The following KLC3 variants were observed in gnomAD, a reference collection of about 807,000 sequenced individuals.
The protein encoded by KLC3 is kinesin light chain 3, also known as kinesin light chain 2.
A neutral mutation model predicts 62.9 loss-of-function variants in KLC3; 72 were observed. That is an observed-to-expected ratio of 1.15 (90% CI 0.95 to 1.39). KLC3 has a LOEUF of 1.39. KLC3 is among the 40% of genes most tolerant of loss of function. The pLI is 0.00. For synonymous variants in KLC3, 377 were observed against 300.5 expected, an observed-to-expected ratio of 1.25 and a Z score of -2.63; for missense variants, 848 against 691.6, an observed-to-expected ratio of 1.23 and a Z score of -2.54.
chr19:45,351,437 C>T lies in KLC3; in HGVS notation c.*80C>T. 5 of 1,587,172 alleles carry T rather than the reference C, an allele frequency of 3.2e-6. No homozygotes were observed. Among genetic ancestry groups the T allele is most frequent in the Non-Finnish European group, 3.4e-6 (4 of 1,169,906 alleles). ...GCTGGTGGGGTGAGAGGGGGTCTAT[C>T]ATCTCCTGGCCCCCCCTTGCCTCTG... On this transcript the variant is annotated 3_prime_UTR_variant, in exon 13 of 13. Transcript: ENST00000391946.
chr19:45,348,792 C>T, intron 6 of KLC3, 28 bp from the exon 7 acceptor site: 1 of 1,562,372 alleles, frequency 6.4e-7, no homozygotes, highest in Middle Eastern at 1.7e-4. Flanking sequence ...CTGCCCATCC[C>T]TGACCTGTGC....
intron 8 of KLC3, 52 bp downstream of exon 8, chr19:45,349,654 GGAGGCACCCATTGGTTGGATACA>G: frequency 7.2e-7 from 1 of 1,397,100 alleles, no homozygotes; most frequent in Non-Finnish European, 9.6e-7. Context: ...CCTGCCCTGG[GGAGGCACCCATTGGTTGGATACA>G]GGGTGAGCAA....
At position 45,350,643 on chromosome 19, in the gene KLC3, C is replaced by T; in HGVS notation, c.1275C>T (p.Ala425=). 15 of 1,613,448 alleles carry T rather than the reference C, an allele frequency of 9.3e-6. No individual in the cohort carries two copies. The highest frequency in any genetic ancestry group is 1.3e-5 in the Non-Finnish European group (15 of 1,179,586). The change falls in exon 11 of 13, where the codon GCC becomes GCT. Residue 425 remains alanine, a splice_region_variant and synonymous_variant. Transcript: ENST00000391946. ...NTGTAGDAEQ[A]LRRSSSLSKI... Reference sequence around the variant, plus strand: ...CAGCATCCCCGGCCCCTCCCCAGGCCCTTCGCCGCAGCAGCTCACTCTCCA... The same window carrying T: ...CAGCATCCCCGGCCCCTCCCCAGGCTCTTCGCCGCAGCAGCTCACTCTCCA...
intron 1 of KLC3, among the ~76,000 whole-genome samples, chr19:45,342,486 G>A (rs1232179048): frequency 2.6e-5 from 4 of 152,118 alleles, no homozygotes; most frequent in Admixed American, 6.6e-5. Flanking sequence ...TTGGCTGGGC[G>A]CGGTAGCTCA....
chr19:45,346,837 A>ACCCTCCTTAGAATCCCACAGT, intron 3 of KLC3, 63 bp downstream of exon 3: 1 of 1,434,338 alleles, frequency 7.0e-7, no homozygotes. Flanking sequence ...AGTCCCCCAG[A>ACCCTCCTTAGAATCCCACAGT]CCCTCCTTAG....
intron 7 of KLC3, 146 bp from the exon 8 acceptor site, chr19:45,349,283 A>G (rs912240529): frequency 3.8e-6 from 3 of 780,828 alleles, no homozygotes; most frequent in Non-Finnish European, 6.0e-6. Context: ...GTTAGATGGT[A>G]TAACTTGTGT....
Position 45,347,488 on chromosome 19 carries a change from G to C in KLC3, c.531G>C (p.Leu177=). 6.2e-7 allele frequency: 1 copy of C among 1,612,904 alleles called. No individual in the cohort carries two copies. Among genetic ancestry groups the C allele is most frequent in the Non-Finnish European group, 8.5e-7 (1 of 1,179,452 alleles). The change falls in exon 4 of 13, where the codon CTG becomes CTC. Residue 177 remains leucine (L), a synonymous_variant. Coordinates refer to ENST00000391946, the MANE Select transcript of KLC3 (RefSeq NM_177417.3). The part of the protein sequence containing the change: ...SPPRRDSLAS[L]FPSEEEERKG... Reference sequence around the variant, plus strand: ...CTCGCCGAGACAGCCTGGCCTCCCTGTTCCCCAGCGAGGAGGAGGAGAGGA... The same window carrying C: ...CTCGCCGAGACAGCCTGGCCTCCCTCTTCCCCAGCGAGGAGGAGGAGAGGA...
rs1239493817 is a variant in KLC3, at chr19:45,351,002, G to A, written c.1428G>A (p.Arg476=). The A allele has an allele frequency of 3.1e-6, 5 of 1,614,124 alleles. No individual in the cohort carries two copies. Among genetic ancestry groups the A allele is most frequent in the Non-Finnish European group, 4.2e-6 (5 of 1,180,026 alleles). The change falls in exon 12 of 13, where the codon AGG becomes AGA. Residue 476 remains arginine, a synonymous_variant. Transcript: ENST00000391946. The part of the protein sequence containing the change: ...SLNTLNVDAP[R]APGTQFPSWH... ...ACACACTGAACGTGGATGCTCCAAG[G>A]GCTCCTGGGACTCAGGTGAGGGGGA...
At chr19:45,346,926 C>T (rs747250823) in intron 3 of KLC3, 152 bp downstream of exon 3, 3 of 679,114 alleles carry the variant, frequency 4.4e-6, no homozygotes, top group Non-Finnish European at 7.3e-6. Flanking sequence ...TCCCCCAACC[C>T]TCCACAGAGC....
At chr19:45,342,396 G>A (rs1400610244) in intron 1 of KLC3, among the ~76,000 whole-genome samples, 1 of 152,084 alleles carries the variant, frequency 6.6e-6, no homozygotes, top group East Asian at 1.9e-4. Context: ...AGACTAGCCT[G>A]GGCAATATGG....
intron 3 of KLC3, 27 bp from the exon 4 acceptor site, chr19:45,347,420 C>T (rs760304618): frequency 1.1e-5 from 17 of 1,593,874 alleles, no homozygotes; most frequent in South Asian, 7.8e-5. Flanking sequence ...CCCACCACCC[C>T]GGCCCCCCAC....
chr19:45,345,873 A>G lies in KLC3; in HGVS notation c.258+74A>G. ...AGGGAGGGCCAGGCATGAGGGGGAC[A>G]GGTATGTAGGGGACTGGGAGAGGGT... On this transcript the variant is annotated intron_variant, in intron 2 of 12. Coordinates refer to ENST00000391946, the MANE Select transcript of KLC3 (RefSeq NM_177417.3). The G allele has an allele frequency of 2.1e-6, 3 of 1,405,674 alleles. No individual in the cohort carries two copies. In the South Asian group the frequency reaches 4.2e-5, roughly 20 times the overall value. The allele number at this position is 1,405,674 out of a possible 1,614,324, so 87.1% of individuals were successfully genotyped here. A position where few individuals can be genotyped will look rare whatever the true frequency, so the allele number is the denominator to read the frequency against.
chr19:45,343,681 A>G (rs1465461550), intron 1 of KLC3, among the ~76,000 whole-genome samples: 1 of 152,088 alleles, frequency 6.6e-6, no homozygotes, highest in African/African-American at 2.4e-5. Flanking sequence ...GGGAGTGTAT[A>G]CAGATTGTTT....
At chr19:45,349,965 G>A in intron 8 of KLC3, 2 of 414,600 alleles carry the variant, frequency 4.8e-6, no homozygotes, top group East Asian at 4.1e-5. Flanking sequence ...TGGGAAGACT[G>A]AGGCACCGAG....
At position 45,350,218 on chromosome 19, in the gene KLC3, TCAAGAC is replaced by T. The variant is rs1335660551; in HGVS notation, c.1144-120_1144-115del. On this transcript the variant is annotated intron_variant, in intron 8 of 12. Transcript: ENST00000391946. ...AGGAGGATCACTTGAGGCTAGGAGT[TCAAGAC>T]CAGCCTGGGCAACATACCAAGACCC... The T allele has an allele frequency of 1.9e-5, 14 of 719,994 alleles. No individual in the cohort carries two copies. In the African/African-American group the frequency reaches 2.2e-4, roughly 11 times the overall value. 44.6% of individuals were successfully genotyped at this position (719,994 alleles called of 1,614,324 possible).
At chr19:45,345,074 C>T (rs538709150) in intron 1 of KLC3, 37 of 184,094 alleles carry the variant, frequency 2.0e-4, no homozygotes, top group Non-Finnish European at 3.4e-4. Context: ...CAGAGGCTGC[C>T]GCCTCCACAC....
chr19:45,348,751 G>A lies in KLC3; in HGVS notation c.867+18G>A, dbSNP rs1165299003. ...ACCCCGCGGTGAGTGGGGCCCCAGG[G>A]AGACGAAGTGGGGTCAAAGTGGGGC... On this transcript the variant is annotated intron_variant, in intron 6 of 12. Coordinates refer to ENST00000391946, the MANE Select transcript of KLC3 (RefSeq NM_177417.3). The A allele has an allele frequency of 1.9e-6, 3 of 1,571,540 alleles. No homozygotes were observed. Among genetic ancestry groups the A allele is most frequent in the Admixed American group, 1.9e-5 (1 of 53,320 alleles).
intron 3 of KLC3, 183 bp from the exon 4 acceptor site, chr19:45,347,264 C>T (rs1971522816): frequency 1.8e-6 from 1 of 561,782 alleles, no homozygotes; most frequent in Admixed American, 3.2e-5. Flanking sequence ...ATGGCTTGAA[C>T]CCAGGAGGTG....
chr19:45,348,126 G>A lies in KLC3; in HGVS notation c.745G>A (p.Ala249Thr). ...RSSGHCHPDV[A>T]TMLNILALVY... is the part of the protein sequence containing the mutation. ...CTCGGGCCACTGCCACCCTGACGTG[G>A]CCACCATGCTCAACATCCTGGCGCT... The change falls in exon 5 of 13, where the codon GCC becomes ACC. Residue 249 changes from alanine (A) to threonine (T), a missense_variant. Transcript: ENST00000391946. 1 of 1,600,144 alleles carries A rather than the reference G, an allele frequency of 6.2e-7. No homozygotes were observed. The highest frequency in any genetic ancestry group is 1.1e-5 in the South Asian group (1 of 89,116).
Sources: gnomAD v4.1 joint callset for allele counts (sites outside exome capture counted in the v4.1 genomes callset) on GRCh38, gnomAD v4.1.1 for gene constraint, MANE v1.5 for transcripts, NCBI Gene and HGNC (gene_info 2026-07-23, HGNC 2026-07-21) for gene names.